Variants in PRKAR2A observed in about 807,000 individuals in gnomAD.
The protein encoded by PRKAR2A is cAMP-dependent protein kinase type II-alpha regulatory subunit.
Under a neutral mutation model 51.9 loss-of-function variants are expected in PRKAR2A, and 29 were observed. That is an observed-to-expected ratio of 0.56 (90% CI 0.42 to 0.76). The LOEUF (loss-of-function observed/expected upper bound fraction) is 0.76, where lower values mean the gene tolerates loss of function less well. Among genes scored for constraint, PRKAR2A ranks in the 30% least tolerant of loss-of-function variants. The probability of loss-of-function intolerance (pLI) is 0.00; values close to 1 mark genes in which losing one functional copy is unlikely to be tolerated. For missense variants in PRKAR2A, 445 were observed against 512.1 expected (o/e 0.87, Z 1.26); for synonymous variants, 178 against 186.2 (o/e 0.96, Z 0.36).
chr3:48,757,620 G>A (rs950471904), intron 8 of PRKAR2A, among the ~76,000 whole-genome samples: 6 of 152,210 alleles, frequency 3.9e-5, no homozygotes, highest in Non-Finnish European at 8.8e-5. Context: ...AGGAGTGTAC[G>A]TGTGTTTTGA....
chr3:48,840,388 G>A (rs2083358256), intron 1 of PRKAR2A, among the ~76,000 whole-genome samples: 2 of 151,486 alleles, frequency 1.3e-5, no homozygotes, highest in African/African-American at 4.8e-5. Flanking sequence ...CCAGCTACTC[G>A]GGAGGCTGAG....
intron 2 of PRKAR2A, among the ~76,000 whole-genome samples, chr3:48,795,665 T>C (rs1030665100): frequency 1.3e-5 from 2 of 152,198 alleles, no homozygotes; most frequent in African/African-American, 4.8e-5. Flanking sequence ...GCCTCCTTAG[T>C]AGCTAGGTCT....
At chr3:48,764,247 G>C (rs2081905277) in intron 8 of PRKAR2A, among the ~76,000 whole-genome samples, 1 of 152,174 alleles carries the variant, frequency 6.6e-6, no homozygotes, top group African/African-American at 2.4e-5. Flanking sequence ...TTATCAGACA[G>C]TACTCATTAC....
chr3:48,789,210 A>C (rs2082342722), intron 4 of PRKAR2A, among the ~76,000 whole-genome samples: 1 of 152,222 alleles, frequency 6.6e-6, no homozygotes. Context: ...AAAGTGCCAA[A>C]GCAGCTCAGA....
At chr3:48,820,601 T>C (rs538381176) in intron 1 of PRKAR2A, among the ~76,000 whole-genome samples, 1 of 152,324 alleles carries the variant, frequency 6.6e-6, no homozygotes, top group South Asian at 2.1e-4. Context: ...TCCAGTCACC[T>C]CACTTACTAG....
intron 8 of PRKAR2A, among the ~76,000 whole-genome samples, chr3:48,759,208 TG>T (rs954699905): frequency 6.6e-6 from 1 of 152,182 alleles, no homozygotes; most frequent in African/African-American, 2.4e-5. Context: ...CTGGTTAGGC[TG>T]GGACAGGCTA....
intron 2 of PRKAR2A, among the ~76,000 whole-genome samples, chr3:48,800,116 C>G (rs1256542228): frequency 6.6e-6 from 1 of 151,424 alleles, no homozygotes; most frequent in Non-Finnish European, 1.5e-5. Context: ...CCTTGGCCTC[C>G]CAAAGTGCTG....
chr3:48,808,247 T>TTTTTG (rs1227797121), intron 1 of PRKAR2A, among the ~76,000 whole-genome samples: 17 of 150,136 alleles, frequency 1.1e-4, no homozygotes, highest in South Asian at 4.2e-4. Context: ...GGGTTTTTTG[T>TTTTTG]TTTTGTTTTG....
rs139673165 is a variant in PRKAR2A at position 48,816,631 on chromosome 3, C to A, written c.263-8947G>T. ...CCAGCCTTGCGACAGAGAGAGACTC[C>A]ATCTCAAAAAAAAGAAAAAATTTAC... On this transcript the variant is annotated intron_variant, in intron 1 of 10. Coordinates refer to ENST00000265563, the MANE Select transcript of PRKAR2A (RefSeq NM_004157.4). 2.5e-3 allele frequency among the ~76,000 whole-genome samples: 376 copies of A among 151,938 alleles called. 3 individuals are homozygous for A. Among genetic ancestry groups the A allele is most frequent in the African/African-American group, 8.6e-3 (357 of 41,428 alleles).
intron 1 of PRKAR2A, among the ~76,000 whole-genome samples, chr3:48,833,202 A>ATT (rs755212382): frequency 6.6e-6 from 1 of 152,110 alleles, no homozygotes; most frequent in Non-Finnish European, 1.5e-5. Context: ...TAACCCAGCT[A>ATT]ATTGTTTTAA....
Position 48,747,713 on chromosome 3 carries a change from G to A in PRKAR2A, c.*3872C>T, listed in dbSNP as rs1203078602. 1 of 152,216 alleles carries A rather than the reference G, an allele frequency of 6.6e-6. No individual in the cohort carries two copies. Among genetic ancestry groups the A allele is most frequent in the Non-Finnish European group, 1.5e-5 (1 of 68,056 alleles). The allele number at this position is 152,216 out of a possible 1,614,324, so 9.4% of individuals were successfully genotyped here. A position where few individuals can be genotyped will look rare whatever the true frequency, so the allele number is the denominator to read the frequency against. ...GCATAAGCTGGGGGCCAAAAGGAAG[G>A]CTCTCAGGAATATTCTCTACCATCC... On this transcript the variant is annotated 3_prime_UTR_variant, in exon 11 of 11. Transcript: ENST00000265563.
intron 1 of PRKAR2A, among the ~76,000 whole-genome samples, chr3:48,838,194 A>C (rs781136045): frequency 1.8e-4 from 28 of 151,950 alleles, no homozygotes; most frequent in Admixed American, 5.9e-4. Context: ...AACAACAACA[A>C]CACATATTAT....
intron 4 of PRKAR2A, among the ~76,000 whole-genome samples, chr3:48,785,292 G>A (rs1247391722): frequency 2.8e-5 from 4 of 141,142 alleles, no homozygotes; most frequent in Non-Finnish European, 3.0e-5. Flanking sequence ...ACAGAGTCTC[G>A]CTCTGTCGGC....
At position 48,823,484 on chromosome 3, in the gene PRKAR2A, T is replaced by C. The variant is rs1428546481; in HGVS notation, c.263-15800A>G. 2.6e-5 allele frequency among the ~76,000 whole-genome samples: 4 copies of C among 152,094 alleles called. No homozygotes were observed. The East Asian group carries it at 7.7e-4, about 29-fold the overall frequency. On this transcript the variant is annotated intron_variant, in intron 1 of 10. Coordinates refer to ENST00000265563, the MANE Select transcript of PRKAR2A (RefSeq NM_004157.4). ...TGGTCACAGAAGTCTTCCATGTTGATGTCTGTTGTGGTATGGTGAGAGGAG... is the reference window on the plus strand; with the variant it reads ...TGGTCACAGAAGTCTTCCATGTTGACGTCTGTTGTGGTATGGTGAGAGGAG...
In PRKAR2A at chr3:48,748,232, A is replaced by C. The variant is rs528390211; in HGVS notation, c.*3353T>G. The C allele has an allele frequency of 1.3e-5, 2 of 151,156 alleles. No individual in the cohort carries two copies. Among genetic ancestry groups the C allele is most frequent in the Non-Finnish European group, 2.9e-5 (2 of 67,860 alleles). The allele number at this position is 151,156 out of a possible 1,614,324, so 9.4% of individuals were successfully genotyped here. On this transcript the variant is annotated 3_prime_UTR_variant, in exon 11 of 11. Transcript: ENST00000265563. The stretch of plus-strand genomic sequence containing the variant: ...AGCTTCAGTCTCCCAGGTTAAAGGA[A>C]TCCTTTCACCTCAGCCTACTGAGTG...
intron 5 of PRKAR2A, among the ~76,000 whole-genome samples, chr3:48,779,638 G>C (rs1390373573): frequency 6.6e-6 from 1 of 151,410 alleles, no homozygotes; most frequent in Admixed American, 6.6e-5. Flanking sequence ...AAATTAGCTG[G>C]GAGTGGTGGT....
chr3:48,764,107 C>G (rs1047499171), intron 8 of PRKAR2A, among the ~76,000 whole-genome samples: 2 of 152,184 alleles, frequency 1.3e-5, no homozygotes, highest in African/African-American at 4.8e-5. Context: ...AAGCATATCA[C>G]CCAACCTAGA....
At chr3:48,827,328 T>A in intron 1 of PRKAR2A, among the ~76,000 whole-genome samples, 1 of 147,178 alleles carries the variant, frequency 6.8e-6, no homozygotes, top group Non-Finnish European at 1.5e-5. Flanking sequence ...TTCTTACCAC[T>A]GAGTTTAAGA....
At chr3:48,775,035 G>A (rs1235623743) in intron 5 of PRKAR2A, among the ~76,000 whole-genome samples, 2 of 152,134 alleles carry the variant, frequency 1.3e-5, no homozygotes, top group African/African-American at 4.8e-5. Context: ...TTTGTTGCTA[G>A]TTTACTGAGC....
Sources: allele counts gnomAD v4.1 joint callset (sites outside exome capture counted in the v4.1 genomes callset), GRCh38; gene constraint gnomAD v4.1.1; transcripts MANE v1.5; gene names NCBI Gene and HGNC (gene_info 2026-07-23, HGNC 2026-07-21).